The following FSTL4 variants were observed in gnomAD, a reference collection of about 807,000 sequenced individuals.
The protein encoded by FSTL4 is follistatin like 4.
FSTL4 carries 28 observed loss-of-function variants against 78.2 expected under a neutral mutation model. The observed-to-expected ratio is 0.36, with a 90% CI of 0.27 to 0.49. The LOEUF (loss-of-function observed/expected upper bound fraction) is 0.49, where lower values mean the gene tolerates loss of function less well. Ranked by LOEUF, FSTL4 falls within the 20% of genes least tolerant of loss-of-function variation. The pLI is 0.98. For synonymous variants in FSTL4, 422 were observed against 440.5 expected (o/e 0.96, Z 0.53); for missense variants, 922 against 1,084.9 (o/e 0.85, Z 2.11).
rs181919618 is a variant in FSTL4 at position 133,600,618 on chromosome 5, G to A, written c.126+3240C>T. On this transcript the variant is annotated intron_variant, in intron 2 of 15. Coordinates refer to ENST00000265342, the MANE Select transcript of FSTL4 (RefSeq NM_015082.2). Reference sequence around the variant, plus strand: ...TAAACTCCTTGAAACTATTTCCACTGCAGTCTTTGTACATAAAACAATAAT... The same window carrying A: ...TAAACTCCTTGAAACTATTTCCACTACAGTCTTTGTACATAAAACAATAAT... 3.3e-5 allele frequency among the ~76,000 whole-genome samples: 5 copies of A among 152,232 alleles called. No individual in the cohort carries two copies. In the East Asian group the frequency reaches 7.7e-4, roughly 23 times the overall value.
chr5:133,619,922 A>C, the FSTL4 span, among the ~76,000 whole-genome samples: 1 of 152,230 alleles, frequency 6.6e-6, no homozygotes, highest in African/African-American at 2.4e-5. Context: ...GTTATCTTCT[A>C]AAATTGGCTT....
intron 6 of FSTL4, among the ~76,000 whole-genome samples, chr5:133,306,385 C>T (rs1753657831): frequency 6.6e-6 from 1 of 152,214 alleles, no homozygotes; most frequent in Non-Finnish European, 1.5e-5. Context: ...AGCACTTACT[C>T]TGAGGAGGGT....
the FSTL4 span, among the ~76,000 whole-genome samples, chr5:133,713,364 C>A: frequency 1.2e-4 from 18 of 152,310 alleles, no homozygotes; most frequent in South Asian, 3.7e-3. Flanking sequence ...GGAAATAGCT[C>A]AGGACCTGCC....
chr5:133,782,922 T>C, the FSTL4 span, among the ~76,000 whole-genome samples: 1 of 152,320 alleles, frequency 6.6e-6, no homozygotes, highest in South Asian at 2.1e-4. Flanking sequence ...GGAGGAACCC[T>C]GTCCACTACT....
intron 3 of FSTL4, among the ~76,000 whole-genome samples, chr5:133,555,930 T>C (rs1443646618): frequency 1.3e-5 from 2 of 152,260 alleles, no homozygotes; most frequent in South Asian, 4.2e-4. Context: ...CTGAAATATA[T>C]TTTTACCCCC....
At chr5:133,617,478 TG>T (rs1247440883), upstream of FSTL4, among the ~76,000 whole-genome samples, 1 of 152,086 alleles carries the variant, frequency 6.6e-6, no homozygotes, top group Non-Finnish European at 1.5e-5. Flanking sequence ...CTTTGACCAG[TG>T]GGAGACTGGG....
the FSTL4 span, among the ~76,000 whole-genome samples, chr5:133,642,204 C>T: frequency 4.9e-4 from 75 of 152,232 alleles, no homozygotes; most frequent in Admixed American, 4.8e-3. Flanking sequence ...CTTGAAACAA[C>T]CTCTTTTGGC....
the FSTL4 span, among the ~76,000 whole-genome samples, chr5:133,798,810 G>A: frequency 3.3e-5 from 5 of 152,070 alleles, no homozygotes; most frequent in Non-Finnish European, 5.9e-5. Context: ...AGTAGCTGTC[G>A]GTTCTGTCTG....
At chr5:133,655,893 A>G in the FSTL4 span, among the ~76,000 whole-genome samples, 1 of 152,128 alleles carries the variant, frequency 6.6e-6, no homozygotes, top group Non-Finnish European at 1.5e-5. Context: ...CGTTATTATT[A>G]CTCCTCGTTT....
chr5:133,606,899 T>G (rs771676637), intron 1 of FSTL4, among the ~76,000 whole-genome samples: 8 of 152,272 alleles, frequency 5.3e-5, no homozygotes, highest in Non-Finnish European at 4.4e-5. Flanking sequence ...ACTGTGATTT[T>G]GGCAAGCGCC....
chr5:133,336,409 G>A (rs1482173308), intron 4 of FSTL4, among the ~76,000 whole-genome samples: 2 of 152,260 alleles, frequency 1.3e-5, no homozygotes, highest in Non-Finnish European at 2.9e-5. Context: ...GAGAAGATGT[G>A]GGCACAGCTG....
chr5:133,550,200 T>C (rs968118871), intron 3 of FSTL4, among the ~76,000 whole-genome samples: 5 of 152,246 alleles, frequency 3.3e-5, no homozygotes, highest in Non-Finnish European at 7.3e-5. Flanking sequence ...TATCCATTAT[T>C]TAAAATTGTT....
chr5:133,221,916 TTTTTTTTTTTTA>T (rs1751142637), intron 11 of FSTL4, among the ~76,000 whole-genome samples: 1 of 132,438 alleles, frequency 7.6e-6, no homozygotes, highest in African/African-American at 3.2e-5. Context: ...TTTTTTTTTT[TTTTTTTTTTTTA>T]GCATGCTGAG....
At chr5:133,396,282 T>G (rs1188422597) in intron 4 of FSTL4, among the ~76,000 whole-genome samples, 1 of 152,210 alleles carries the variant, frequency 6.6e-6, no homozygotes. Flanking sequence ...CAGGTGCTGC[T>G]CCTGTCATAC....
chr5:133,239,989 G>C (rs1751786474), intron 7 of FSTL4, among the ~76,000 whole-genome samples: 1 of 152,218 alleles, frequency 6.6e-6, no homozygotes, highest in East Asian at 1.9e-4. Context: ...GTCAGAAGTG[G>C]CAACACGCTG....
chr5:133,653,262 C>G, the FSTL4 span, among the ~76,000 whole-genome samples: 2 of 152,198 alleles, frequency 1.3e-5, no homozygotes, highest in African/African-American at 4.8e-5. Context: ...AAACATGTCA[C>G]CATCCTGACT....
chr5:133,385,220 G>A (rs532047711), intron 4 of FSTL4, among the ~76,000 whole-genome samples: 48 of 152,354 alleles, frequency 3.2e-4, no homozygotes, highest in African/African-American at 1.0e-3. Flanking sequence ...AATGAAATGC[G>A]GAATTGCAGA....
At chr5:133,285,126 C>T (rs1221990606) in intron 6 of FSTL4, among the ~76,000 whole-genome samples, 1 of 152,210 alleles carries the variant, frequency 6.6e-6, no homozygotes, top group African/African-American at 2.4e-5. Flanking sequence ...GTTGCCCCTT[C>T]TATGCCTGGC....
intron 1 of FSTL4, among the ~76,000 whole-genome samples, chr5:133,607,406 C>T (rs1761001069): frequency 6.6e-6 from 1 of 152,162 alleles, no homozygotes; most frequent in Non-Finnish European, 1.5e-5. Flanking sequence ...AGGCACTGTT[C>T]TAAGCACTTC....
Sources: allele counts gnomAD v4.1 joint callset (sites outside exome capture counted in the v4.1 genomes callset), GRCh38; gene constraint gnomAD v4.1.1; transcripts MANE v1.5; gene names NCBI Gene and HGNC (gene_info 2026-07-23, HGNC 2026-07-21).